Variants in PLEKHG7 observed in about 807,000 individuals in gnomAD.
PLEKHG7 encodes the protein pleckstrin homology domain-containing family G member 7.
PLEKHG7 carries 77 observed loss-of-function variants against 85.2 expected under a neutral mutation model. The observed-to-expected ratio is 0.90, with a 90% CI of 0.75 to 1.09. The LOEUF is 1.09. Ranked by LOEUF, PLEKHG7 falls within the 50% of genes least tolerant of loss-of-function variation. The pLI, the probability that PLEKHG7 is intolerant of heterozygous loss-of-function variation, is 0.00. For synonymous variants in PLEKHG7, 301 were observed against 302.4 expected, an observed-to-expected ratio of 1.00 and a Z score of 0.05; for missense variants, 777 against 804.3, an observed-to-expected ratio of 0.97 and a Z score of 0.41.
At chr12:92,714,081 C>T (rs1286325802) in intron 3 of PLEKHG7, among the ~76,000 whole-genome samples, 1 of 152,228 alleles carries the variant, frequency 6.6e-6, no homozygotes, top group Non-Finnish European at 1.5e-5. Flanking sequence ...ACACTCTCAA[C>T]CTTACCTCTA....
At chr12:92,747,814 G>C (rs1872576771) in intron 10 of PLEKHG7, among the ~76,000 whole-genome samples, 1 of 152,184 alleles carries the variant, frequency 6.6e-6, no homozygotes. Flanking sequence ...GATATTGCAT[G>C]TTCTCACTTG....
intron 1 of PLEKHG7, among the ~76,000 whole-genome samples, chr12:92,703,891 C>A: frequency 6.6e-6 from 1 of 152,318 alleles, no homozygotes; most frequent in Middle Eastern, 3.4e-3. Flanking sequence ...AACCCAAAGC[C>A]GTATCCTAAC....
rs1167122168 is a variant in PLEKHG7 at position 92,737,447 on chromosome 12, C to T, written c.865C>T (p.Gln289Ter). 5 of 1,583,946 alleles carry T rather than the reference C, an allele frequency of 3.2e-6. No homozygotes were observed. In the African/African-American group the frequency reaches 5.5e-5, roughly 17 times the overall value. ...GACCGATCAATTAGACCTGAAAAAG[C>T]AGCAAGAGGCCGTGTGGGAACTTTT... ...LPTDQLDLKKQQEAVWELFTS... is the reference protein window; with the variant it reads ...LPTDQLDLKK Residue 289 changes from glutamine to a stop codon, truncating the protein, a stop_gained, in exon 7 of 17, where the codon CAG becomes TAG. Transcript: ENST00000344636. LOFTEE classifies it high-confidence loss of function.
rs954453218 is a variant in PLEKHG7, at chr12:92,770,855, C to G, written c.*660C>G. 1 of 152,098 alleles carries G rather than the reference C, an allele frequency of 6.6e-6. No individual in the cohort carries two copies. The highest frequency in any genetic ancestry group is 1.5e-5 in the Non-Finnish European group (1 of 67,986). 9.4% of individuals were successfully genotyped at this position (152,098 alleles called of 1,614,324 possible). A position where few individuals can be genotyped will look rare whatever the true frequency, so the allele number is the denominator to read the frequency against. On this transcript the variant is annotated 3_prime_UTR_variant, in exon 17 of 17. Transcript: ENST00000344636. ...GAAGAAAAAAAAAATCTGGCTTTCA[C>G]CAGTTAACACTTTTGCATGGCTTTT...
chr12:92,751,605 C>A (rs546602628), intron 10 of PLEKHG7, among the ~76,000 whole-genome samples: 6 of 151,950 alleles, frequency 3.9e-5, no homozygotes, highest in Non-Finnish European at 8.8e-5. Flanking sequence ...AACTCCTGAC[C>A]TCCAGTGATC....
chr12:92,732,115 A>C (rs1872008240), intron 4 of PLEKHG7, 118 bp from the exon 5 acceptor site: 2 of 474,450 alleles, frequency 4.2e-6, no homozygotes, highest in Non-Finnish European at 6.8e-6. Context: ...AGAGAATTAA[A>C]GCAGGATGAA....
intron 3 of PLEKHG7, among the ~76,000 whole-genome samples, chr12:92,714,568 C>A (rs979550876): frequency 1.3e-5 from 2 of 152,194 alleles, no homozygotes; most frequent in Non-Finnish European, 2.9e-5. Flanking sequence ...AAGACTGTCA[C>A]TCAGGGCAAT....
Position 92,737,461 on chromosome 12 carries a change from G to A in PLEKHG7, c.879G>A (p.Val293=). Residue 293 remains valine, a synonymous_variant, in exon 7 of 17, where the codon GTG becomes GTA. Coordinates refer to ENST00000344636, the MANE Select transcript of PLEKHG7 (RefSeq NM_001377329.1). ...QLDLKKQQEA[V]WELFTSECTY... ...ACCTGAAAAAGCAGCAAGAGGCCGTGTGGGAACTTTTCACAAGTGAATGCA... is the reference window on the plus strand; with the variant it reads ...ACCTGAAAAAGCAGCAAGAGGCCGTATGGGAACTTTTCACAAGTGAATGCA... The A allele has an allele frequency of 6.3e-7, 1 of 1,594,326 alleles. No individual in the cohort carries two copies. The highest frequency in any genetic ancestry group is 1.2e-5 in the South Asian group (1 of 86,354).
intron 10 of PLEKHG7, among the ~76,000 whole-genome samples, chr12:92,750,764 T>C (rs1872669081): frequency 6.6e-6 from 1 of 152,090 alleles, no homozygotes; most frequent in South Asian, 2.1e-4. Flanking sequence ...TCTTCATCTG[T>C]CGTGCTCACT....
At chr12:92,709,048 A>G (rs1592671645) in intron 3 of PLEKHG7, among the ~76,000 whole-genome samples, 1 of 152,208 alleles carries the variant, frequency 6.6e-6, no homozygotes, top group Non-Finnish European at 1.5e-5. Flanking sequence ...TTTTAATAAG[A>G]TTTTGAGAAA....
intron 3 of PLEKHG7, among the ~76,000 whole-genome samples, chr12:92,727,703 C>T (rs985940845): frequency 6.6e-6 from 1 of 152,036 alleles, no homozygotes; most frequent in African/African-American, 2.4e-5. Context: ...ATTCTCCTGC[C>T]TCAGCCTCCC....
At chr12:92,764,996 T>A (rs1873149161) in intron 15 of PLEKHG7, among the ~76,000 whole-genome samples, 1 of 152,116 alleles carries the variant, frequency 6.6e-6, no homozygotes, top group Non-Finnish European at 1.5e-5. Flanking sequence ...ACTGACTTCC[T>A]GTCCCCATTG....
chr12:92,749,031 C>T (rs1872613672), intron 10 of PLEKHG7, among the ~76,000 whole-genome samples: 1 of 152,162 alleles, frequency 6.6e-6, no homozygotes, highest in Admixed American at 6.5e-5. Flanking sequence ...TGTTCTAGGG[C>T]AGAGGTAGGA....
intron 14 of PLEKHG7, 70 bp from the exon 15 acceptor site, chr12:92,763,971 A>G: frequency 1.5e-6 from 2 of 1,353,286 alleles, no homozygotes; most frequent in South Asian, 2.9e-5. Flanking sequence ...ATTTGCTTAC[A>G]GATGCACTTT....
intron 15 of PLEKHG7, among the ~76,000 whole-genome samples, chr12:92,768,011 C>T (rs1873262238): frequency 6.6e-6 from 1 of 151,984 alleles, no homozygotes; most frequent in Non-Finnish European, 1.5e-5. Flanking sequence ...TCGAGACCAG[C>T]CTGGCCAACA....
intron 3 of PLEKHG7, among the ~76,000 whole-genome samples, chr12:92,718,145 AGAG>A (rs1871537796): frequency 6.6e-6 from 1 of 152,208 alleles, no homozygotes; most frequent in African/African-American, 2.4e-5. Flanking sequence ...AGAACATACT[AGAG>A]GAGAAGACTC....
chr12:92,726,403 T>A (rs570018714), intron 3 of PLEKHG7, among the ~76,000 whole-genome samples: 7 of 152,306 alleles, frequency 4.6e-5, no homozygotes, highest in African/African-American at 1.7e-4. Context: ...CTTTTGTTGG[T>A]AAATCAAGAC....
chr12:92,731,465 C>T (rs554023360), intron 4 of PLEKHG7, among the ~76,000 whole-genome samples: 2 of 152,256 alleles, frequency 1.3e-5, no homozygotes, highest in African/African-American at 2.4e-5. Flanking sequence ...GAGAGATGGA[C>T]GTATAAGACA....
At chr12:92,748,206 T>C (rs1872589204) in intron 10 of PLEKHG7, among the ~76,000 whole-genome samples, 1 of 152,002 alleles carries the variant, frequency 6.6e-6, no homozygotes, top group African/African-American at 2.4e-5. Context: ...CAGGGATATT[T>C]TGGGAAAGGT....
Sources: gnomAD v4.1 joint callset for allele counts (sites outside exome capture counted in the v4.1 genomes callset) on GRCh38, gnomAD v4.1.1 for gene constraint, MANE v1.5 for transcripts, NCBI Gene and HGNC (gene_info 2026-07-23, HGNC 2026-07-21) for gene names.